Variants in FANCC observed in about 807,000 individuals in gnomAD.
FANCC encodes Fanconi anemia group C protein.
In FANCC, 55 loss-of-function variants were observed where a neutral mutation model predicts 71.3. The ratio of observed to expected loss-of-function variants is 0.77; its 90% CI spans 0.62 to 0.97. FANCC has a LOEUF of 0.97. FANCC is among the 50% of genes least tolerant of loss of function. The probability of loss-of-function intolerance (pLI) is 0.00; values close to 1 mark genes in which losing one functional copy is unlikely to be tolerated. For synonymous variants in FANCC, 275 were observed against 244.9 expected (o/e 1.12, Z -1.15); for missense variants, 678 against 670.9 (o/e 1.01, Z -0.12).
At chr9:95,258,455 T>C (rs1831805702) in intron 1 of FANCC, among the ~76,000 whole-genome samples, 1 of 152,180 alleles carries the variant, frequency 6.6e-6, no homozygotes, top group South Asian at 2.1e-4. Flanking sequence ...ATTATCTCAA[T>C]AGATGCAGAA....
chr9:95,246,277 G>C (rs1035614004), intron 3 of FANCC, among the ~76,000 whole-genome samples: 4 of 152,188 alleles, frequency 2.6e-5, no homozygotes, highest in South Asian at 2.1e-4. Context: ...GGGTGGGGTA[G>C]AGTGAGGGAG....
intron 4 of FANCC, among the ~76,000 whole-genome samples, chr9:95,200,526 C>G (rs356682): frequency 0.19 from 29,037 of 152,108 alleles, 2,912 homozygotes; most frequent in East Asian, 0.3. Context: ...GCAAGACGAA[C>G]AGCAGAGTCA....
chr9:95,291,963 A>ATATATATATATAT (rs1256566464), intron 1 of FANCC, among the ~76,000 whole-genome samples: 1 of 94,548 alleles, frequency 1.1e-5, no homozygotes, highest in Non-Finnish European at 2.2e-5. Flanking sequence ...AAAAAAAAAA[A>ATATATATATATAT]AAAAATATAT....
At chr9:95,293,654 G>A (rs1314798357) in intron 1 of FANCC, 62 of 1,613,990 alleles carry the variant, frequency 3.8e-5, no homozygotes, top group Middle Eastern at 3.3e-4. Flanking sequence ...CCTCTGTGTC[G>A]TCTTGTTCTC....
chr9:95,169,398 C>G (rs1825517527), intron 6 of FANCC, among the ~76,000 whole-genome samples: 1 of 152,158 alleles, frequency 6.6e-6, no homozygotes, highest in Non-Finnish European at 1.5e-5. Context: ...TTTCAGACAT[C>G]CACTGGGTGT....
intron 14 of FANCC, among the ~76,000 whole-genome samples, chr9:95,102,768 T>G (rs887778134): frequency 1.3e-5 from 2 of 152,202 alleles, no homozygotes; most frequent in African/African-American, 4.8e-5. Context: ...TGACCACCAC[T>G]AAAGGGAGCC....
chr9:95,128,541 G>A (rs1554833620), intron 8 of FANCC, among the ~76,000 whole-genome samples: 1 of 152,196 alleles, frequency 6.6e-6, no homozygotes, highest in Non-Finnish European at 1.5e-5. Context: ...AAACAGCAAA[G>A]AAAATGATGA....
chr9:95,230,213 G>A (rs1829915230), intron 4 of FANCC, among the ~76,000 whole-genome samples: 1 of 152,180 alleles, frequency 6.6e-6, no homozygotes, highest in South Asian at 2.1e-4. Flanking sequence ...AAAGAGGTCT[G>A]TCTGAGGAGC....
In FANCC at chr9:95,149,582, G is replaced by A. The variant is rs145969883; in HGVS notation, c.686+341C>T. On this transcript the variant is annotated intron_variant, in intron 7 of 14. Coordinates refer to ENST00000289081, the MANE Select transcript of FANCC (RefSeq NM_000136.3). ...CAATCTCCGCCTCCCAGGTGGAAGCGATCCTCCTGACTCAGCCCCCCTAGT... is the reference window on the plus strand; with the variant it reads ...CAATCTCCGCCTCCCAGGTGGAAGCAATCCTCCTGACTCAGCCCCCCTAGT... Among the ~76,000 whole-genome samples, 731 of 151,760 alleles carry A rather than the reference G, an allele frequency of 4.8e-3. 6 individuals are homozygous for A. Among genetic ancestry groups the A allele is most frequent in the Middle Eastern group, 0.034 (10 of 294 alleles).
intron 4 of FANCC, among the ~76,000 whole-genome samples, chr9:95,234,058 G>A (rs969940893): frequency 6.6e-6 from 1 of 152,098 alleles, no homozygotes; most frequent in African/African-American, 2.4e-5. Context: ...ACCATCAGAT[G>A]GACACCTGGC....
intron 1 of FANCC, among the ~76,000 whole-genome samples, chr9:95,312,460 C>T (rs1401660581): frequency 6.6e-6 from 1 of 152,164 alleles, no homozygotes; most frequent in Non-Finnish European, 1.5e-5. Flanking sequence ...ACCTCCTGGG[C>T]TCAACGATCC....
rs569889207 is a variant in FANCC, at chr9:95,183,343, G to A, written c.346-11196C>T. Among the ~76,000 whole-genome samples the A allele has an allele frequency of 6.6e-5, 10 of 152,224 alleles. No individual in the cohort carries two copies. The South Asian group carries it at 1.5e-3, about 22-fold the overall frequency. On this transcript the variant is annotated intron_variant, in intron 4 of 14. Coordinates refer to ENST00000289081, the MANE Select transcript of FANCC (RefSeq NM_000136.3). ...CTCTGTCCACCGTTAGCATGCAGGC[G>A]CTCCACGGCAGGCACTGCCTCGCTG...
chr9:95,278,818 T>C (rs1288990935), intron 1 of FANCC, among the ~76,000 whole-genome samples: 2 of 151,632 alleles, frequency 1.3e-5, no homozygotes, highest in Admixed American at 1.3e-4. Context: ...AACTCTAGAG[T>C]AGCCACTAAA....
At chr9:95,311,346 T>C (rs1209640054) in intron 1 of FANCC, among the ~76,000 whole-genome samples, 5 of 151,600 alleles carry the variant, frequency 3.3e-5, no homozygotes, top group African/African-American at 1.2e-4. Context: ...CAATGCCTTA[T>C]AATGTTATAG....
chr9:95,118,261 C>T (rs2072589696), intron 10 of FANCC, among the ~76,000 whole-genome samples: 2 of 151,710 alleles, frequency 1.3e-5, no homozygotes, highest in African/African-American at 2.4e-5. Context: ...TTAAGTGATC[C>T]ACCTGCCTCG....
chr9:95,146,525 A>G (rs1036783046), intron 7 of FANCC, among the ~76,000 whole-genome samples: 3 of 150,950 alleles, frequency 2.0e-5, no homozygotes, highest in African/African-American at 7.3e-5. Flanking sequence ...GAAAACGTAA[A>G]TAGTATTAAT....
intron 4 of FANCC, among the ~76,000 whole-genome samples, chr9:95,184,429 T>C (rs1279837415): frequency 6.6e-6 from 1 of 151,972 alleles, no homozygotes; most frequent in East Asian, 1.9e-4. Flanking sequence ...TTTACTTCAC[T>C]AAAAAAAGAA....
intron 4 of FANCC, among the ~76,000 whole-genome samples, chr9:95,237,349 CT>C (rs956156055): frequency 6.6e-6 from 1 of 152,224 alleles, no homozygotes; most frequent in African/African-American, 2.4e-5. Flanking sequence ...TGCCAAGTTT[CT>C]TGAAAGAGTG....
intron 1 of FANCC, among the ~76,000 whole-genome samples, chr9:95,286,080 G>A (rs779014776): frequency 6.6e-6 from 1 of 152,106 alleles, no homozygotes; most frequent in African/African-American, 2.4e-5. Flanking sequence ...ACTATAAAAA[G>A]CTATATACAA....
Sources: gnomAD v4.1 joint callset for allele counts (sites outside exome capture counted in the v4.1 genomes callset) on GRCh38, gnomAD v4.1.1 for gene constraint, MANE v1.5 for transcripts, NCBI Gene and HGNC (gene_info 2026-07-23, HGNC 2026-07-21) for gene names.